Variants in MBL2 observed in about 807,000 individuals in gnomAD.
MBL2 encodes the protein mannose-binding protein C.
A neutral mutation model predicts 12.7 loss-of-function variants in MBL2; 6 were observed. The observed-to-expected ratio is 0.47, with a 90% CI of 0.26 to 0.94. MBL2 has a LOEUF of 0.94. Ranked by LOEUF, MBL2 falls within the 40% of genes least tolerant of loss-of-function variation. The pLI is 0.15. For missense variants in MBL2, 307 were observed against 295.2 expected, an observed-to-expected ratio of 1.04 and a Z score of -0.29; for synonymous variants, 114 against 112.0, an observed-to-expected ratio of 1.02 and a Z score of -0.11.
Position 52,767,863 on chromosome 10 carries a change from T to G in MBL2, c.*274A>C, listed in dbSNP as rs1455373594. 1 of 286,626 alleles carries G rather than the reference T, an allele frequency of 3.5e-6. No individual in the cohort carries two copies. Among genetic ancestry groups the G allele is most frequent in the African/African-American group, 2.2e-5 (1 of 45,638 alleles). 17.8% of individuals were successfully genotyped at this position (286,626 alleles called of 1,614,324 possible). ...TAACACTATCGAAAGCATTACAGAT[T>G]AATTAAACTAGATAATTAATGTAGG... On this transcript the variant is annotated 3_prime_UTR_variant, in exon 5 of 5. Coordinates refer to ENST00000674931, the MANE Select transcript of MBL2 (RefSeq NM_001378373.1).
At position 52,765,842 on chromosome 10, in the gene MBL2, C is replaced by T. The variant is rs1199009171; in HGVS notation, c.*2295G>A. The stretch of plus-strand genomic sequence containing the variant: ...GAAGAAGCAAGTATTGCCATATTTT[C>T]AGCTTACATGACTATGCATATACAA... On this transcript the variant is annotated 3_prime_UTR_variant, in exon 5 of 5. Transcript: ENST00000674931. 6.6e-6 allele frequency: 1 copy of T among 152,100 alleles called. No individual in the cohort carries two copies. The highest frequency in any genetic ancestry group is 1.9e-4 in the East Asian group (1 of 5,192). The allele number at this position is 152,100 out of a possible 1,614,324, so 9.4% of individuals were successfully genotyped here.
In MBL2 at chr10:52,772,761, C is replaced by G; in HGVS notation, c.-34G>C. On this transcript the variant is annotated 5_prime_UTR_variant, in exon 1 of 5. Transcript: ENST00000674931. ...CTGGTGTTTCTGCAGAGCAGGGACT[C>G]AGTGACAAGGACGCTGGCCCTCTAG... The G allele has an allele frequency of 1.0e-6, 1 of 985,348 alleles. No homozygotes were observed. Among genetic ancestry groups the G allele is most frequent in the Non-Finnish European group, 1.2e-6 (1 of 829,908 alleles). The allele number at this position is 985,348 out of a possible 1,614,324, so 61.0% of individuals were successfully genotyped here.
intron 1 of MBL2, 188 bp from the exon 2 acceptor site, chr10:52,771,832 TA>T: frequency 1.3e-6 from 1 of 777,388 alleles, no homozygotes; most frequent in Non-Finnish European, 2.0e-6. Flanking sequence ...TTAACAAAGG[TA>T]GGCACTATGA....
In MBL2 at chr10:52,768,440, A is replaced by C. The variant is rs1234990008; in HGVS notation, c.444T>G (p.Phe148Leu). 8.1e-6 allele frequency: 13 copies of C among 1,610,354 alleles called. No individual in the cohort carries two copies. The highest frequency in any genetic ancestry group is 1.3e-5 in the African/African-American group (1 of 74,428). The change falls in exon 5 of 5, where the codon TTT becomes TTG. Residue 148 changes from phenylalanine (F) to leucine (L), a missense_variant. Coordinates refer to ENST00000674931, the MANE Select transcript of MBL2 (RefSeq NM_001378373.1). ...TGACACACAAGGCCTTCACTTTTTCAAAGGTCATTATTTCACCATTGGTCA... is the reference window on the plus strand; with the variant it reads ...TGACACACAAGGCCTTCACTTTTTCCAAGGTCATTATTTCACCATTGGTCA... ...FFLTNGEIMT[F>L]EKVKALCVKF... is the part of the protein sequence containing the mutation.
At position 52,768,095 on chromosome 10, in the gene MBL2, G is replaced by A; in HGVS notation, c.*42C>T. The stretch of plus-strand genomic sequence containing the variant: ...TTTCAAGCATACTGTGGGCCTGTGG[G>A]TTGCAGTAAAAAGACAAGGAGGGCC... On this transcript the variant is annotated 3_prime_UTR_variant, in exon 5 of 5. Transcript: ENST00000674931. 1.3e-6 allele frequency: 2 copies of A among 1,546,968 alleles called. No individual in the cohort carries two copies. Among genetic ancestry groups the A allele is most frequent in the Middle Eastern group, 1.9e-4 (1 of 5,318 alleles).
chr10:52,771,546 C>T lies in MBL2; in HGVS notation c.90G>A (p.Lys30=). ...SETVTCEDAQ[K]TCPAVIACSS... ...TACAGGCAATCACTGCAGGGCAGGT[C>T]TTTTGGGCATCCTCACAGGTCACAG... Residue 30 remains lysine, a synonymous_variant, in exon 2 of 5, where the codon AAG becomes AAA. Transcript: ENST00000674931. 2.5e-6 allele frequency: 4 copies of T among 1,613,938 alleles called. No individual in the cohort carries two copies. The highest frequency in any genetic ancestry group is 3.4e-6 in the Non-Finnish European group (4 of 1,179,888).
chr10:52,768,054 TTGA>T lies in MBL2; in HGVS notation c.*80_*82del, dbSNP rs1840331992. ...AGGAACAATACTGGATATGAGGAAA[TTGA>T]TATAATTTATCTTTTCAAGCATACT... On this transcript the variant is annotated 3_prime_UTR_variant, in exon 5 of 5. Transcript: ENST00000674931. 9 of 1,481,964 alleles carry T rather than the reference TTGA, an allele frequency of 6.1e-6. No individual in the cohort carries two copies. Among genetic ancestry groups the T allele is most frequent in the Non-Finnish European group, 8.1e-6 (9 of 1,107,398 alleles). The allele number at this position is 1,481,964 out of a possible 1,614,324, so 91.8% of individuals were successfully genotyped here. A position where few individuals can be genotyped will look rare whatever the true frequency, so the allele number is the denominator to read the frequency against.
chr10:52,768,133 C>G lies in MBL2; in HGVS notation c.*4G>C. The G allele has an allele frequency of 1.3e-6, 2 of 1,595,586 alleles. No individual in the cohort carries two copies. Among genetic ancestry groups the G allele is most frequent in the Non-Finnish European group, 1.7e-6 (2 of 1,170,816 alleles). ...GACAAGGAGGGCCTGAGTGATATGA[C>G]CCTTCAGATAGGGAACTCACAGACG... is the stretch of plus-strand genomic sequence containing the variant. On this transcript the variant is annotated 3_prime_UTR_variant, in exon 5 of 5. Transcript: ENST00000674931.
At position 52,772,739 on chromosome 10, in the gene MBL2, G is replaced by T. The variant is rs757403558; in HGVS notation, c.-12C>A. The T allele has an allele frequency of 2.0e-6, 2 of 985,316 alleles. No homozygotes were observed. Among genetic ancestry groups the T allele is most frequent in the Non-Finnish European group, 2.4e-6 (2 of 829,908 alleles). 61.0% of individuals were successfully genotyped at this position (985,316 alleles called of 1,614,324 possible). A position where few individuals can be genotyped will look rare whatever the true frequency, so the allele number is the denominator to read the frequency against. On this transcript the variant is annotated splice_region_variant and 5_prime_UTR_variant, in exon 1 of 5. Transcript: ENST00000674931. ...TTTATTCACCAGAAATGACTTACTG[G>T]TGTTTCTGCAGAGCAGGGACTCAGT...
rs1040398661 is a variant in MBL2, at chr10:52,771,434, C to T, written c.187+15G>A. On this transcript the variant is annotated intron_variant, in intron 2 of 4. Transcript: ENST00000674931. The stretch of plus-strand genomic sequence containing the variant: ...AAGGTAAAGAATTGCAGAGACAGAA[C>T]AGCCCAACACGTACCTGGTTCCCCC... The T allele has an allele frequency of 1.4e-5, 22 of 1,611,576 alleles. No homozygotes were observed. Among genetic ancestry groups the T allele is most frequent in the Non-Finnish European group, 1.9e-5 (22 of 1,178,766 alleles).
In MBL2 at chr10:52,768,059, A is replaced by G. The variant is rs1840332034; in HGVS notation, c.*78T>C. On this transcript the variant is annotated 3_prime_UTR_variant, in exon 5 of 5. Coordinates refer to ENST00000674931, the MANE Select transcript of MBL2 (RefSeq NM_001378373.1). The stretch of plus-strand genomic sequence containing the variant: ...CAATACTGGATATGAGGAAATTGAT[A>G]TAATTTATCTTTTCAAGCATACTGT... 6.7e-7 allele frequency: 1 copy of G among 1,488,840 alleles called. No individual in the cohort carries two copies. The highest frequency in any genetic ancestry group is 2.3e-5 in the East Asian group (1 of 43,740). 92.2% of individuals were successfully genotyped at this position (1,488,840 alleles called of 1,614,324 possible).
intron 1 of MBL2, among the ~76,000 whole-genome samples, chr10:52,772,034 TCTCC>T (rs1840401892): frequency 7.2e-6 from 1 of 138,606 alleles, no homozygotes; most frequent in South Asian, 2.3e-4. Flanking sequence ...TTCCTCTTTC[TCTCC>T]ATGTCCTCTT....
rs1022774030 is a variant in MBL2 at position 52,767,583 on chromosome 10, A to G, written c.*554T>C. ...TATGTATGTGTGTGAGAATTTGTGAAGCTGTTTGCTTGAGATTTGTTATTT... is the reference window on the plus strand; with the variant it reads ...TATGTATGTGTGTGAGAATTTGTGAGGCTGTTTGCTTGAGATTTGTTATTT... On this transcript the variant is annotated 3_prime_UTR_variant, in exon 5 of 5. Coordinates refer to ENST00000674931, the MANE Select transcript of MBL2 (RefSeq NM_001378373.1). 6.6e-6 allele frequency: 1 copy of G among 152,024 alleles called. No individual in the cohort carries two copies. Among genetic ancestry groups the G allele is most frequent in the African/African-American group, 2.4e-5 (1 of 41,264 alleles). The allele number at this position is 152,024 out of a possible 1,614,324, so 9.4% of individuals were successfully genotyped here.
chr10:52,770,749 CT>C lies in MBL2; in HGVS notation c.224del (p.Lys75SerfsTer66). On this transcript the variant is annotated frameshift_variant, in exon 3 of 5. Transcript: ENST00000674931. LOFTEE classifies it high-confidence loss of function. ...GCCCTGGATTTCCTGGAGGCCCCAA[CT>C]TTCCAGGGGGGCCCTGTAAGCCTCT... is the stretch of plus-strand genomic sequence containing the variant. ...GLRGLQGPPG[K>X]LGPPGNPGPS... 3 of 1,519,944 alleles carry C rather than the reference CT, an allele frequency of 2.0e-6. No homozygotes were observed. Among genetic ancestry groups the C allele is most frequent in the South Asian group, 2.6e-5 (2 of 77,820 alleles). 94.2% of individuals were successfully genotyped at this position (1,519,944 alleles called of 1,614,324 possible).
chr10:52,771,809 C>T (rs973691445), intron 1 of MBL2, 165 bp from the exon 2 acceptor site: 18 of 937,272 alleles, frequency 1.9e-5, no homozygotes, highest in South Asian at 3.7e-5. Flanking sequence ...TGTGACACTG[C>T]GTGACTAGTA....
Position 52,771,603 on chromosome 10 carries a change from GAGA to G in MBL2, c.30_32del (p.Leu12del), listed in dbSNP as rs763127694. 108 of 1,613,932 alleles carry G rather than the reference GAGA, an allele frequency of 6.7e-5. 1 individual carries two copies. In the Middle Eastern group the frequency reaches 1.2e-3, roughly 17 times the overall value. Reference sequence around the variant, plus strand: ...AGTAAGACGCTGCCACCATACTCAGGAGAAGGAGAGGGAGTGATGGAAACAGGG... The same window carrying G: ...AGTAAGACGCTGCCACCATACTCAGGAGGAGAGGGAGTGATGGAAACAGGG... On this transcript the variant is annotated inframe_deletion, in exon 2 of 5. Transcript: ENST00000674931.
Position 52,767,253 on chromosome 10 carries a change from A to G in MBL2, c.*884T>C, listed in dbSNP as rs1201435749. On this transcript the variant is annotated 3_prime_UTR_variant, in exon 5 of 5. Coordinates refer to ENST00000674931, the MANE Select transcript of MBL2 (RefSeq NM_001378373.1). Reference sequence around the variant, plus strand: ...ATTGGAAGCCACTTAAGTGCCTATTAACAATAGAATGGATGAACTGAGGAA... The same window carrying G: ...ATTGGAAGCCACTTAAGTGCCTATTGACAATAGAATGGATGAACTGAGGAA... The G allele has an allele frequency of 3.9e-5, 6 of 152,008 alleles. No homozygotes were observed. The highest frequency in any genetic ancestry group is 1.5e-4 in the African/African-American group (6 of 41,266). 9.4% of individuals were successfully genotyped at this position (152,008 alleles called of 1,614,324 possible). A position where few individuals can be genotyped will look rare whatever the true frequency, so the allele number is the denominator to read the frequency against.
In MBL2 at chr10:52,768,022, C is replaced by G; in HGVS notation, c.*115G>C. 7.6e-7 allele frequency: 1 copy of G among 1,320,472 alleles called. No homozygotes were observed. The highest frequency in any genetic ancestry group is 1.7e-5 in the South Asian group (1 of 59,660). 81.8% of individuals were successfully genotyped at this position (1,320,472 alleles called of 1,614,324 possible). On this transcript the variant is annotated 3_prime_UTR_variant, in exon 5 of 5. Coordinates refer to ENST00000674931, the MANE Select transcript of MBL2 (RefSeq NM_001378373.1). ...GTTAGTGATCATTTTTAGTGATTGC[C>G]CACAAAAGGAACAATACTGGATATG...
At position 52,768,088 on chromosome 10, in the gene MBL2, C is replaced by G; in HGVS notation, c.*49G>C. On this transcript the variant is annotated 3_prime_UTR_variant, in exon 5 of 5. Coordinates refer to ENST00000674931, the MANE Select transcript of MBL2 (RefSeq NM_001378373.1). ...TTTATCTTTTCAAGCATACTGTGGG[C>G]CTGTGGGTTGCAGTAAAAAGACAAG... The G allele has an allele frequency of 6.5e-7, 1 of 1,540,540 alleles. No individual in the cohort carries two copies. The highest frequency in any genetic ancestry group is 8.7e-7 in the Non-Finnish European group (1 of 1,143,798).
Sources: gnomAD v4.1 joint callset for allele counts (sites outside exome capture counted in the v4.1 genomes callset) on GRCh38, gnomAD v4.1.1 for gene constraint, MANE v1.5 for transcripts, NCBI Gene and HGNC (gene_info 2026-07-23, HGNC 2026-07-21) for gene names.